NALF1: variants seen among roughly 807,000 people sequenced by gnomAD.
The protein encoded by NALF1 is family with sequence similarity 155 member A.
NALF1 carries 3 observed loss-of-function variants against 48.4 expected under a neutral mutation model. That is an observed-to-expected ratio of 0.06 (90% CI 0.03 to 0.16). NALF1 has a LOEUF of 0.16. NALF1 is among the 10% of genes least tolerant of loss of function. The pLI is 1.00. For missense variants in NALF1, 526 were observed against 571.5 expected, an observed-to-expected ratio of 0.92 and a Z score of 0.81; for synonymous variants, 262 against 245.7, an observed-to-expected ratio of 1.07 and a Z score of -0.62.
chr13:107,668,505 G>A (rs1467342914), intron 1 of NALF1, among the ~76,000 whole-genome samples: 5 of 151,976 alleles, frequency 3.3e-5, no homozygotes, highest in Admixed American at 6.6e-5. Context: ...GCAAGCAGAA[G>A]CTAGTTGGTT....
In NALF1 at chr13:107,844,164, C is replaced by G. The variant is rs1880111803; in HGVS notation, c.915+21518G>C. 2.6e-5 allele frequency among the ~76,000 whole-genome samples: 4 copies of G among 152,060 alleles called. No homozygotes were observed. The South Asian group carries it at 8.3e-4, about 32-fold the overall frequency. On this transcript the variant is annotated intron_variant, in intron 1 of 2. Coordinates refer to ENST00000375915, the MANE Select transcript of NALF1 (RefSeq NM_001080396.3). The stretch of plus-strand genomic sequence containing the variant: ...GGTAATTAGAATAACTTAACATTCC[C>G]TTTCCTAATGTTTATTACTAGAAAT...
At chr13:107,610,128 G>T (rs1879186453) in intron 1 of NALF1, among the ~76,000 whole-genome samples, 1 of 152,090 alleles carries the variant, frequency 6.6e-6, no homozygotes, top group Non-Finnish European at 1.5e-5. Context: ...ATAAAGATAT[G>T]GGGAAAAATA....
intron 1 of NALF1, among the ~76,000 whole-genome samples, chr13:107,326,425 C>T (rs555104029): frequency 4.2e-4 from 64 of 152,230 alleles, no homozygotes; most frequent in African/African-American, 1.3e-3. Flanking sequence ...ATTGACCTTT[C>T]CTCCATGCAA....
chr13:107,484,830 C>A (rs1198430208), intron 1 of NALF1, among the ~76,000 whole-genome samples: 1 of 152,048 alleles, frequency 6.6e-6, no homozygotes, highest in Admixed American at 6.6e-5. Context: ...ATCAGAACTC[C>A]AGGAACATAT....
chr13:107,248,013 A>T (rs1880618198), intron 1 of NALF1, among the ~76,000 whole-genome samples: 2 of 152,150 alleles, frequency 1.3e-5, no homozygotes, highest in Admixed American at 6.5e-5. Flanking sequence ...GCATCTTGGA[A>T]GATACTCACA....
intron 2 of NALF1, among the ~76,000 whole-genome samples, chr13:107,174,179 T>C (rs1335284682): frequency 2.6e-5 from 4 of 152,112 alleles, no homozygotes; most frequent in Non-Finnish European, 4.4e-5. Flanking sequence ...TTGCCACCCT[T>C]TTGTGTTTGT....
At chr13:107,256,670 C>T (rs1333980690) in intron 1 of NALF1, among the ~76,000 whole-genome samples, 1 of 150,218 alleles carries the variant, frequency 6.7e-6, no homozygotes, top group Non-Finnish European at 1.5e-5. Flanking sequence ...CTGAAAATAA[C>T]AACCAATAAA....
intron 1 of NALF1, among the ~76,000 whole-genome samples, chr13:107,358,619 A>G (rs1240778366): frequency 6.6e-6 from 1 of 152,110 alleles, no homozygotes; most frequent in Non-Finnish European, 1.5e-5. Context: ...ACATTCAATA[A>G]AACACAGTGT....
intron 1 of NALF1, among the ~76,000 whole-genome samples, chr13:107,670,206 A>G (rs1372019511): frequency 6.6e-6 from 1 of 152,260 alleles, no homozygotes; most frequent in African/African-American, 2.4e-5. Flanking sequence ...ACAGGCATCA[A>G]TTAGGTGAAT....
At chr13:107,326,408 A>G (rs1282028180) in intron 1 of NALF1, among the ~76,000 whole-genome samples, 1 of 152,146 alleles carries the variant, frequency 6.6e-6, no homozygotes, top group African/African-American at 2.4e-5. Flanking sequence ...TACCAACTTT[A>G]TTAACGATTG....
intron 2 of NALF1, among the ~76,000 whole-genome samples, chr13:107,171,043 T>C (rs1032571885): frequency 1.3e-5 from 2 of 152,220 alleles, no homozygotes; most frequent in African/African-American, 4.8e-5. Flanking sequence ...GAATACAGAA[T>C]AGAAGATTTC....
intron 1 of NALF1, among the ~76,000 whole-genome samples, chr13:107,405,839 C>T (rs951563165): frequency 6.6e-6 from 1 of 151,972 alleles, no homozygotes; most frequent in Non-Finnish European, 1.5e-5. Flanking sequence ...AAAGAATACA[C>T]CAGTAGATTA....
intron 1 of NALF1, among the ~76,000 whole-genome samples, chr13:107,298,859 C>G (rs1177157676): frequency 6.6e-6 from 1 of 152,180 alleles, no homozygotes; most frequent in Non-Finnish European, 1.5e-5. Flanking sequence ...ACTTACATAA[C>G]TACAATGCAA....
At chr13:107,472,676 G>A (rs1566356830) in intron 1 of NALF1, among the ~76,000 whole-genome samples, 1 of 152,082 alleles carries the variant, frequency 6.6e-6, no homozygotes. Context: ...TTCAGCTATT[G>A]GACTCTTGGA....
intron 1 of NALF1, among the ~76,000 whole-genome samples, chr13:107,725,516 T>C (rs563805586): frequency 6.6e-6 from 1 of 152,286 alleles, no homozygotes; most frequent in East Asian, 1.9e-4. Context: ...GAGACCAGCC[T>C]GGCCAAAATA....
In NALF1 at chr13:107,664,379, T is replaced by C. The variant is rs140693392; in HGVS notation, c.915+201303A>G. On this transcript the variant is annotated intron_variant, in intron 1 of 2. Coordinates refer to ENST00000375915, the MANE Select transcript of NALF1 (RefSeq NM_001080396.3). ...GATCATCACATTAGCTCCTAACTGA[T>C]CTCTACTGACACTCTTGCTACGCTT... 7.6e-3 allele frequency among the ~76,000 whole-genome samples: 1,153 copies of C among 152,254 alleles called. 20 individuals carry two copies. Among genetic ancestry groups the C allele is most frequent in the African/African-American group, 0.027 (1,108 of 41,560 alleles).
intron 2 of NALF1, among the ~76,000 whole-genome samples, chr13:107,178,599 G>A (rs939252657): frequency 6.6e-6 from 1 of 152,140 alleles, no homozygotes; most frequent in Admixed American, 6.5e-5. Context: ...CTGTTTGTGG[G>A]AATGAAAAGT....
intron 1 of NALF1, among the ~76,000 whole-genome samples, chr13:107,606,610 C>CCTGCCT (rs1323757764): frequency 5.9e-5 from 9 of 152,090 alleles, no homozygotes. Flanking sequence ...AGGTAATCCA[C>CCTGCCT]CTGCCTCGGC....
intron 1 of NALF1, among the ~76,000 whole-genome samples, chr13:107,398,946 C>T (rs942770161): frequency 1.3e-5 from 2 of 152,112 alleles, no homozygotes; most frequent in African/African-American, 4.8e-5. Flanking sequence ...AAGGAGCTTC[C>T]GTGTTTGGAG....
Sources: allele counts gnomAD v4.1 joint callset (sites outside exome capture counted in the v4.1 genomes callset), GRCh38; gene constraint gnomAD v4.1.1; transcripts MANE v1.5; gene names NCBI Gene and HGNC (gene_info 2026-07-23, HGNC 2026-07-21).